Variants in CSMD1 observed in about 807,000 individuals in gnomAD.
CSMD1 encodes the protein CUB and sushi domain-containing protein 1.
CSMD1 carries 213 observed loss-of-function variants against 417.5 expected under a neutral mutation model. The observed-to-expected ratio is 0.51, with a 90% confidence interval of 0.46 to 0.57. The LOEUF is 0.57. Ranked by LOEUF, CSMD1 falls within the 20% of genes least tolerant of loss-of-function variation. CSMD1 has a pLI of 0.00. For synonymous variants in CSMD1, 2,862 were observed against 1,736.8 expected, an observed-to-expected ratio of 1.65 and a Z score of -16.11; for missense variants, 6,923 against 4,529.7, an observed-to-expected ratio of 1.53 and a Z score of -15.17.
intron 3 of CSMD1, among the ~76,000 whole-genome samples, chr8:4,202,415 T>C (rs1265057897): frequency 6.6e-6 from 1 of 152,224 alleles, no homozygotes; most frequent in East Asian, 1.9e-4. Flanking sequence ...TTCACAAGAA[T>C]GGAAGAATGT....
At chr8:3,758,988 G>A (rs960841517) in intron 5 of CSMD1, among the ~76,000 whole-genome samples, 1 of 152,218 alleles carries the variant, frequency 6.6e-6, no homozygotes, top group Non-Finnish European at 1.5e-5. Context: ...TGACAAGAAA[G>A]CTGCTGATAC....
At chr8:4,733,124 C>T (rs1333664205) in intron 1 of CSMD1, among the ~76,000 whole-genome samples, 3 of 152,160 alleles carry the variant, frequency 2.0e-5, no homozygotes, top group African/African-American at 2.4e-5. Context: ...GGCAACCATT[C>T]ATTCCTTCAT....
At position 2,938,587 on chromosome 8, in the gene CSMD1, A is replaced by T. The variant is rs368826091; in HGVS notation, c.10693T>A (p.Ter3565LysextTer8). The T allele has an allele frequency of 6.2e-7, 1 of 1,610,752 alleles. No individual in the cohort carries two copies. Among genetic ancestry groups the T allele is most frequent in the Non-Finnish European group, 8.5e-7 (1 of 1,178,388 alleles). The change falls in exon 70 of 70, where the codon TAG becomes AAG. Residue 3565 changes from the stop codon to lysine, a stop_lost. Coordinates refer to ENST00000635120, the MANE Select transcript of CSMD1 (RefSeq NM_033225.6). ...CAGTCCTGTTGGGGCACTGAGGGCT[A>T]TACCACTGTACAGACTGTGTTCAGA... ...TTLNTVCTVV[*>K]
chr8:3,601,058 G>A (rs767939298), intron 8 of CSMD1, among the ~76,000 whole-genome samples: 9 of 152,034 alleles, frequency 5.9e-5, no homozygotes, highest in Non-Finnish European at 8.8e-5. Flanking sequence ...GCATGATATC[G>A]TGGCAGCAAG....
rs544477297 is a variant in CSMD1, at chr8:3,481,910, G to C, written c.1448+11713C>G. 3.9e-5 allele frequency among the ~76,000 whole-genome samples: 6 copies of C among 152,286 alleles called. No homozygotes were observed. The South Asian group carries it at 8.3e-4, about 21-fold the overall frequency. On this transcript the variant is annotated intron_variant, in intron 11 of 69. Coordinates refer to ENST00000635120, the MANE Select transcript of CSMD1 (RefSeq NM_033225.6). ...AGAACTGAGAGTACAAATTTCTGCT[G>C]TTTTGAGCCACCAAGTTTGTGGAAT...
At chr8:3,307,599 T>TTTAACCATGGA in intron 25 of CSMD1, 96 bp downstream of exon 25, 1 of 1,366,610 alleles carries the variant, frequency 7.3e-7, no homozygotes, top group South Asian at 1.4e-5. Flanking sequence ...GTTCAGAAAC[T>TTTAACCATGGA]TTAACCATGG....
At chr8:3,472,300 C>G (rs1297442505) in intron 11 of CSMD1, among the ~76,000 whole-genome samples, 1 of 152,144 alleles carries the variant, frequency 6.6e-6, no homozygotes, top group Non-Finnish European at 1.5e-5. Flanking sequence ...CTCTTGCTGA[C>G]CACACTGCAA....
intron 1 of CSMD1, among the ~76,000 whole-genome samples, chr8:4,670,549 G>C (rs1051011234): frequency 7.9e-5 from 12 of 152,136 alleles, no homozygotes; most frequent in African/African-American, 2.9e-4. Context: ...CTTATATTCT[G>C]ATCGTTACCC....
At chr8:4,440,189 C>T (rs1303348729) in intron 2 of CSMD1, among the ~76,000 whole-genome samples, 4 of 152,134 alleles carry the variant, frequency 2.6e-5, no homozygotes. Context: ...ATGTAGAAAT[C>T]TTTTGATCCA....
intron 5 of CSMD1, among the ~76,000 whole-genome samples, chr8:3,761,495 C>T (rs542722081): frequency 1.6e-4 from 23 of 142,280 alleles, no homozygotes; most frequent in African/African-American, 5.0e-4. Flanking sequence ...TTAATCAAAA[C>T]GACCATTTTT....
Position 4,223,038 on chromosome 8 carries a change from C to T in CSMD1, c.416-190939G>A, listed in dbSNP as rs377212862. Among the ~76,000 whole-genome samples, 17 of 152,136 alleles carry T rather than the reference C, an allele frequency of 1.1e-4. No homozygotes were observed. In the East Asian group the frequency reaches 3.1e-3, roughly 28 times the overall value. On this transcript the variant is annotated intron_variant, in intron 3 of 69. Coordinates refer to ENST00000635120, the MANE Select transcript of CSMD1 (RefSeq NM_033225.6). Reference sequence around the variant, plus strand: ...ACATAATAATAAGAAGAACTGACAACAGGCTTCCTACATTGGACATTGGAG... The same window carrying T: ...ACATAATAATAAGAAGAACTGACAATAGGCTTCCTACATTGGACATTGGAG...
intron 5 of CSMD1, among the ~76,000 whole-genome samples, chr8:3,770,291 G>A (rs1272653571): frequency 6.6e-6 from 1 of 152,152 alleles, no homozygotes; most frequent in Non-Finnish European, 1.5e-5. Context: ...ACTTTGGGAG[G>A]CCGAGGGCGG....
chr8:3,199,933 CT>C (rs1554463047), intron 32 of CSMD1, 124 bp from the exon 33 acceptor site: 5 of 601,062 alleles, frequency 8.3e-6, no homozygotes, highest in Non-Finnish European at 2.9e-6. Flanking sequence ...AACATTTTCA[CT>C]TTATGGTTTA....
At chr8:4,098,396 G>A (rs186413774) in intron 3 of CSMD1, among the ~76,000 whole-genome samples, 9 of 142,668 alleles carry the variant, frequency 6.3e-5, no homozygotes, top group Admixed American at 2.7e-4. Flanking sequence ...TTTCCAAAAT[G>A]GATTTGTCAT....
At chr8:4,872,043 A>C (rs962792409) in intron 1 of CSMD1, among the ~76,000 whole-genome samples, 3 of 152,146 alleles carry the variant, frequency 2.0e-5, no homozygotes, top group Non-Finnish European at 2.9e-5. Context: ...TCCTGCAGAC[A>C]ATATTAATAA....
At chr8:4,202,575 C>A (rs761722498) in intron 3 of CSMD1, among the ~76,000 whole-genome samples, 1 of 152,152 alleles carries the variant, frequency 6.6e-6, no homozygotes, top group African/African-American at 2.4e-5. Flanking sequence ...CTCCTGTATT[C>A]ATTCAAAAAA....
chr8:4,281,967 C>T (rs189570149), intron 3 of CSMD1, among the ~76,000 whole-genome samples: 3 of 152,144 alleles, frequency 2.0e-5, no homozygotes, highest in Admixed American at 6.5e-5. Context: ...ATCAGGTTTA[C>T]CAATTGCAAA....
At chr8:3,950,553 A>T (rs189119217) in intron 5 of CSMD1, among the ~76,000 whole-genome samples, 40 of 152,342 alleles carry the variant, frequency 2.6e-4, no homozygotes, top group African/African-American at 9.4e-4. Context: ...GCCTCAATAC[A>T]AGCGTTCCGC....
intron 2 of CSMD1, among the ~76,000 whole-genome samples, chr8:4,498,931 A>T (rs756101936): frequency 2.6e-5 from 4 of 152,196 alleles, no homozygotes; most frequent in Non-Finnish European, 4.4e-5. Context: ...AACATTACAT[A>T]CACATGGCCA....
Sources: allele counts gnomAD v4.1 joint callset (sites outside exome capture counted in the v4.1 genomes callset), GRCh38; gene constraint gnomAD v4.1.1; transcripts MANE v1.5; gene names NCBI Gene and HGNC (gene_info 2026-07-23, HGNC 2026-07-21).